Variants in PRAMEF8 observed in about 807,000 individuals in gnomAD.
PRAMEF8 encodes PRAME family member 8.
A neutral mutation model predicts 16.6 loss-of-function variants in PRAMEF8; 1 was observed. That is an observed-to-expected ratio of 0.06 (90% CI 0.02 to 0.29). PRAMEF8 has a LOEUF of 0.29. Ranked by LOEUF, PRAMEF8 falls within the 10% of genes least tolerant of loss-of-function variation. The pLI is 1.00. For missense variants in PRAMEF8, 14 were observed against 336.8 expected (o/e 0.04, Z 7.50); for synonymous variants, 4 against 145.4 (o/e 0.03, Z 7.00).
At chr1:13,281,812 A>C in exon 4 of PRAMEF8, 1 of 1,607,424 alleles carries the variant, frequency 6.2e-7, no homozygotes, top group East Asian at 2.2e-5. Context: ...TCAGCGTGAC[A>C]CCCCTCAGGT....
At chr1:13,281,799 G>T (rs1639602107) in exon 4 of PRAMEF8, 1 of 1,611,186 alleles carries the variant, frequency 6.2e-7, no homozygotes, top group African/African-American at 1.3e-5. Flanking sequence ...GGGCTGAAAT[G>T]GGTCAGCGTG....
At chr1:13,282,181 A>T in intron 3 of PRAMEF8, 1 of 496,448 alleles carries the variant, frequency 2.0e-6, no homozygotes. Flanking sequence ...AGAAAACCAC[A>T]TCTCTGGGCC....
chr1:13,281,842 G>C (rs1639603428), exon 4 of PRAMEF8: 2 of 1,611,948 alleles, frequency 1.2e-6, no homozygotes, highest in Admixed American at 1.7e-5. Context: ...TTAATTGACG[G>C]ATGCTCGGGC....
At chr1:13,282,394 GA>G (rs1639611610) in intron 3 of PRAMEF8, 1 of 218,564 alleles carries the variant, frequency 4.6e-6, no homozygotes. Context: ...ACCTGACCTG[GA>G]GCTCAAAACA....
intron 3 of PRAMEF8, 168 bp from the exon 4 acceptor site, chr1:13,282,100 TCCTTC>T: frequency 2.7e-6 from 2 of 741,434 alleles, no homozygotes; most frequent in East Asian, 2.6e-5. Flanking sequence ...CGAGGCTCAG[TCCTTC>T]ACCATCACCG....
chr1:13,281,834 AAT>A lies in PRAMEF8; in HGVS notation c.960_961del (p.Gln320HisfsTer17), dbSNP rs1639603182. On this transcript the variant is annotated frameshift_variant, in exon 4 of 4. Coordinates refer to ENST00000357367, the Ensembl canonical transcript of PRAMEF8. LOFTEE classifies it high-confidence loss of function. The stretch of plus-strand genomic sequence containing the variant: ...GACACCCCTCAGGTCCAGCTCCTTT[AAT>A]TGACGGATGCTCGGGCACCAAGAGA... The A allele has an allele frequency of 6.2e-7, 1 of 1,611,698 alleles. No homozygotes were observed. Among genetic ancestry groups the A allele is most frequent in the African/African-American group, 1.3e-5 (1 of 74,900 alleles).
intron 3 of PRAMEF8, 130 bp from the exon 4 acceptor site, chr1:13,282,062 GA>G: frequency 8.7e-7 from 1 of 1,153,914 alleles, no homozygotes; most frequent in Non-Finnish European, 1.3e-6. Context: ...TGGGAATGGA[GA>G]CTCTGTTCCT....
At chr1:13,282,186 TG>T in intron 3 of PRAMEF8, 1 of 486,552 alleles carries the variant, frequency 2.1e-6, no homozygotes, top group Non-Finnish European at 3.6e-6. Context: ...ACCACATCTC[TG>T]GGCCACAGGA....
At chr1:13,281,775 C>A (rs1303641995) in exon 4 of PRAMEF8, 1 of 1,609,404 alleles carries the variant, frequency 6.2e-7, no homozygotes, top group Non-Finnish European at 8.5e-7. Context: ...TCCAGCAGAC[C>A]TGTGAGGGGC....
At position 13,281,879 on chromosome 1, in the gene PRAMEF8, T is replaced by C. The variant is rs1463621634; in HGVS notation, c.917A>G (p.Glu306Gly). Residue 306 changes from glutamate (E) to glycine (G), a missense_variant, in exon 4 of 4, where the codon GAG (glutamate) becomes GGG (glycine). Transcript: ENST00000357367. ...CCAAGAGAGATGCTTCAAGTCCGACTCTGACAGCAGGCAGTCGGTCATAAC... is the reference window on the plus strand; with the variant it reads ...CCAAGAGAGATGCTTCAAGTCCGACCCTGACAGCAGGCAGTCGGTCATAAC... 1.4e-5 allele frequency: 22 copies of C among 1,611,962 alleles called. 1 individual carries two copies. The highest frequency in any genetic ancestry group is 1.7e-5 in the Non-Finnish European group (20 of 1,178,732).
At chr1:13,284,449 AC>A (rs1639636668) in intron 1 of PRAMEF8, 1 of 152,908 alleles carries the variant, frequency 6.5e-6, no homozygotes, top group South Asian at 5.9e-5. Flanking sequence ...GTTACTTACC[AC>A]CCAAAAACAA....
chr1:13,283,784 TG>T lies in PRAMEF8; in HGVS notation c.287+20del. 1 of 1,375,878 alleles carries T rather than the reference TG, an allele frequency of 7.3e-7. No individual in the cohort carries two copies. The highest frequency in any genetic ancestry group is 1.0e-6 in the Non-Finnish European group (1 of 992,070). The allele number at this position is 1,375,878 out of a possible 1,614,324, so 85.2% of individuals were successfully genotyped here. ...CCTGGACAAAAGGGCCCTCCCCACCTGGACACCTGGGTCACCTCACCTGGGG... is the reference window on the plus strand; with the variant it reads ...CCTGGACAAAAGGGCCCTCCCCACCTGACACCTGGGTCACCTCACCTGGGG... On this transcript the variant is annotated intron_variant, in intron 2 of 3. Transcript: ENST00000357367.
exon 2 of PRAMEF8, chr1:13,284,018 A>G (rs1639630704): frequency 6.2e-7 from 1 of 1,611,364 alleles, no homozygotes; most frequent in African/African-American, 1.3e-5. Flanking sequence ...CATGGTGGAG[A>G]TGGCCAAGGC....
chr1:13,283,188 GC>G lies in PRAMEF8; in HGVS notation c.521del (p.Gly174AlafsTer21). The G allele has an allele frequency of 5.0e-6, 1 of 198,646 alleles. No individual in the cohort carries two copies. The highest frequency in any genetic ancestry group is 8.9e-6 in the Non-Finnish European group (1 of 112,684). The allele number at this position is 198,646 out of a possible 1,614,324, so 12.3% of individuals were successfully genotyped here. A position where few individuals can be genotyped will look rare whatever the true frequency, so the allele number is the denominator to read the frequency against. ...GCTCCTTGCAACACACATGCAGTAA[GC>G]CTTTTCTCTGCTTGCCCCACTCTAA... On this transcript the variant is annotated frameshift_variant, in exon 3 of 4. Coordinates refer to ENST00000357367, the Ensembl canonical transcript of PRAMEF8. LOFTEE classifies it high-confidence loss of function.
chr1:13,283,151 CA>C lies in PRAMEF8; in HGVS notation c.558del (p.Phe186LeufsTer9). ...TCTATGATACTGTGGATGGGCATTC[CA>C]AAAACCTGCAGCTCCTTGCAACACA... is the stretch of plus-strand genomic sequence containing the variant. On this transcript the variant is annotated frameshift_variant, in exon 3 of 4. Coordinates refer to ENST00000357367, the Ensembl canonical transcript of PRAMEF8. LOFTEE classifies it high-confidence loss of function. 2 of 231,272 alleles carry C rather than the reference CA, an allele frequency of 8.6e-6. No individual in the cohort carries two copies. Among genetic ancestry groups the C allele is most frequent in the East Asian group, 8.2e-5 (1 of 12,140 alleles). 14.3% of individuals were successfully genotyped at this position (231,272 alleles called of 1,614,324 possible).
At chr1:13,281,926 G>A (rs1639605474) in exon 4 of PRAMEF8, 1 of 1,610,748 alleles carries the variant, frequency 6.2e-7, no homozygotes, top group Admixed American at 1.7e-5. Flanking sequence ...AGGAGGCCTG[G>A]AGACACCTGG....
exon 4 of PRAMEF8, chr1:13,281,911 C>T: frequency 1.2e-6 from 2 of 1,611,392 alleles, no homozygotes; most frequent in Non-Finnish European, 1.7e-6. Flanking sequence ...TAACGACCAT[C>T]TCCAAGGAGG....
intron 3 of PRAMEF8, 200 bp from the exon 4 acceptor site, chr1:13,282,132 TC>T: frequency 1.6e-6 from 1 of 624,850 alleles, no homozygotes; most frequent in Non-Finnish European, 2.7e-6. Context: ...TTGGATCAAG[TC>T]CATGAACTCT....
intron 2 of PRAMEF8, 73 bp downstream of exon 2, chr1:13,283,729 CCCT>C (rs1639624368): frequency 5.0e-6 from 4 of 801,456 alleles, no homozygotes; most frequent in Non-Finnish European, 7.8e-6. Context: ...TCCATGGTGC[CCCT>C]CCTCCTCCTG....
Sources: gnomAD v4.1 joint callset for allele counts on GRCh38, gnomAD v4.1.1 for gene constraint, MANE v1.5 for transcripts, NCBI Gene and HGNC (gene_info 2026-07-23, HGNC 2026-07-21) for gene names.